GRIK4: variants seen among roughly 807,000 people sequenced by gnomAD.
The protein encoded by GRIK4 is glutamate receptor ionotropic, kainate 4.
Under a neutral mutation model 104.9 loss-of-function variants are expected in GRIK4, and 40 were observed. The ratio of observed to expected loss-of-function variants is 0.38; its 90% CI spans 0.30 to 0.50. GRIK4 has a LOEUF of 0.50. Ranked by LOEUF, GRIK4 falls within the 20% of genes least tolerant of loss-of-function variation. The probability of loss-of-function intolerance (pLI) is 0.93; values close to 1 mark genes in which losing one functional copy is unlikely to be tolerated. For missense variants in GRIK4, 1,047 were observed against 1,308.1 expected, an observed-to-expected ratio of 0.80 and a Z score of 3.08; for synonymous variants, 485 against 524.9, an observed-to-expected ratio of 0.92 and a Z score of 1.04.
At chr11:120,924,128 C>T (rs554885169) in intron 13 of GRIK4, among the ~76,000 whole-genome samples, 14 of 152,284 alleles carry the variant, frequency 9.2e-5, no homozygotes, top group South Asian at 4.1e-4. Context: ...TTGTGCCAGA[C>T]GAGGAATCTA....
rs561605773 is a variant in GRIK4 at position 120,583,284 on chromosome 11, T to C, written c.-158-70401T>C. Among the ~76,000 whole-genome samples, 17 of 152,360 alleles carry C rather than the reference T, an allele frequency of 1.1e-4. No individual in the cohort carries two copies. In the East Asian group the frequency reaches 3.3e-3, roughly 29 times the overall value. ...GGATACATAGTTTGCAAATATTTTC[T>C]TCCATTGTATAGGTTGTCTGTTTAC... On this transcript the variant is annotated intron_variant, in intron 1 of 20. Transcript: ENST00000527524.
chr11:120,932,525 A>G (rs1943504472), intron 13 of GRIK4, among the ~76,000 whole-genome samples: 1 of 152,176 alleles, frequency 6.6e-6, no homozygotes. Flanking sequence ...GTGTGTTTAC[A>G]GATAATGCCA....
At chr11:120,795,969 T>C (rs1952503791) in intron 3 of GRIK4, among the ~76,000 whole-genome samples, 1 of 152,182 alleles carries the variant, frequency 6.6e-6, no homozygotes, top group Non-Finnish European at 1.5e-5. Context: ...AAATAGTTGC[T>C]ATACTGTATT....
At chr11:120,682,207 G>A (rs1565292453) in intron 3 of GRIK4, among the ~76,000 whole-genome samples, 1 of 152,204 alleles carries the variant, frequency 6.6e-6, no homozygotes, top group Non-Finnish European at 1.5e-5. Context: ...GTGTCTCTCA[G>A]AGCACAGGCT....
intron 3 of GRIK4, among the ~76,000 whole-genome samples, chr11:120,685,329 T>G (rs967032466): frequency 6.4e-4 from 98 of 152,178 alleles, no homozygotes; most frequent in African/African-American, 2.2e-3. Flanking sequence ...AGTGTCTGCA[T>G]TTTCATCAAA....
chr11:120,711,122 C>G lies in GRIK4; in HGVS notation c.82+50722C>G, dbSNP rs1950728370. On this transcript the variant is annotated intron_variant, in intron 3 of 20. Coordinates refer to ENST00000527524, the MANE Select transcript of GRIK4 (RefSeq NM_014619.5). ...TCCAAGTCAGTGTCTCTGATGAATC[C>G]TGCACCACAGCTTGTTATGTCAGGA... is the stretch of plus-strand genomic sequence containing the variant. Among the ~76,000 whole-genome samples, 3 of 152,276 alleles carry G rather than the reference C, an allele frequency of 2.0e-5. No individual in the cohort carries two copies. The South Asian group carries it at 6.2e-4, about 32-fold the overall frequency.
At chr11:120,621,845 A>G (rs761234960) in intron 1 of GRIK4, among the ~76,000 whole-genome samples, 4 of 152,154 alleles carry the variant, frequency 2.6e-5, no homozygotes, top group East Asian at 1.9e-4. Flanking sequence ...TAACATGGGT[A>G]TGGGGTATAG....
chr11:120,979,560 TG>T (rs1268341214), intron 19 of GRIK4, among the ~76,000 whole-genome samples: 2 of 152,114 alleles, frequency 1.3e-5, no homozygotes, highest in Non-Finnish European at 2.9e-5. Flanking sequence ...AGCTCGGCCA[TG>T]GAAGGAGAGA....
At position 120,674,977 on chromosome 11, in the gene GRIK4, T is replaced by C. The variant is rs1192035123; in HGVS notation, c.82+14577T>C. 3.3e-5 allele frequency among the ~76,000 whole-genome samples: 5 copies of C among 152,240 alleles called. 1 individual carries two copies. ...TTTTCCTTGCACCTCCTGGAGCTGC[T>C]GGAGTTTCTGAAATTAAAAGGGCCT... is the stretch of plus-strand genomic sequence containing the variant. On this transcript the variant is annotated intron_variant, in intron 3 of 20. Coordinates refer to ENST00000527524, the MANE Select transcript of GRIK4 (RefSeq NM_014619.5).
chr11:120,967,207 G>C lies in GRIK4; in HGVS notation c.2279G>C (p.Arg760Pro), dbSNP rs199658262. 2 of 1,613,270 alleles carry C rather than the reference G, an allele frequency of 1.2e-6. No homozygotes were observed. Among genetic ancestry groups the C allele is most frequent in the East Asian group, 2.2e-5 (1 of 44,798 alleles). The stretch of plus-strand genomic sequence containing the variant: ...GTAACCCCCGCAGGCTCGGTTTTCC[G>C]GGACGAGTTTGATCTGGCCATTCTC... Reference protein sequence around the residue: ...GIGMPVGSVFRDEFDLAILQL... With the variant: ...GIGMPVGSVFPDEFDLAILQL... The change falls in exon 19 of 21, where the codon CGG becomes CCG. Residue 760 changes from arginine to proline, a missense_variant. Around this residue, in one of 3 missense-constraint regions of GRIK4, gnomAD observed 440 missense variants for 652.3 expected, o/e 0.67. Transcript: ENST00000527524. The surrounding 1 kb of genome is among the most constrained non-coding windows in gnomAD (Gnocchi z 4.2).
intron 3 of GRIK4, among the ~76,000 whole-genome samples, chr11:120,800,832 A>G (rs998769032): frequency 1.3e-5 from 2 of 152,252 alleles, no homozygotes; most frequent in African/African-American, 4.8e-5. Flanking sequence ...CCGCGCAGAC[A>G]TTCAAGGGCC....
In GRIK4 at chr11:120,544,646, A is replaced by G. The variant is rs184426962; in HGVS notation, c.-159+32759A>G. Among the ~76,000 whole-genome samples the G allele has an allele frequency of 2.6e-4, 39 of 152,264 alleles. 1 individual carries two copies. Among genetic ancestry groups the G allele is most frequent in the Admixed American group, 2.2e-3 (33 of 15,290 alleles). On this transcript the variant is annotated intron_variant, in intron 1 of 20. Transcript: ENST00000527524. Reference sequence around the variant, plus strand: ...TATTTGTTTTCAACCTGGACATTTCAGCACAGCTGTTATTAGGAAGTTGTG... The same window carrying G: ...TATTTGTTTTCAACCTGGACATTTCGGCACAGCTGTTATTAGGAAGTTGTG...
At chr11:120,688,121 A>G (rs1950302501) in intron 3 of GRIK4, among the ~76,000 whole-genome samples, 1 of 152,206 alleles carries the variant, frequency 6.6e-6, no homozygotes, top group African/African-American at 2.4e-5. Context: ...TCCTGGGCCT[A>G]GAAATGACAT....
At chr11:120,671,867 A>G (rs754792178) in intron 3 of GRIK4, among the ~76,000 whole-genome samples, 2 of 152,190 alleles carry the variant, frequency 1.3e-5, no homozygotes, top group African/African-American at 2.4e-5. Flanking sequence ...TCCCAACACC[A>G]TTTATTAAAT....
chr11:120,544,926 A>G (rs1414895239), intron 1 of GRIK4, among the ~76,000 whole-genome samples: 1 of 152,222 alleles, frequency 6.6e-6, no homozygotes, highest in Non-Finnish European at 1.5e-5. Flanking sequence ...CTTGTTGAGC[A>G]CAGCCCGGAC....
intron 3 of GRIK4, among the ~76,000 whole-genome samples, chr11:120,733,814 T>C (rs1363637191): frequency 2.6e-5 from 4 of 151,430 alleles, no homozygotes; most frequent in African/African-American, 9.7e-5. Flanking sequence ...CTTGGCTCAC[T>C]GCAACCTCCA....
chr11:120,889,519 A>G (rs1955214102), intron 11 of GRIK4, among the ~76,000 whole-genome samples: 1 of 143,356 alleles, frequency 7.0e-6, no homozygotes. Flanking sequence ...GTCATTGGTT[A>G]TGGTTCATCT....
At chr11:120,972,896 C>T (rs929824637) in intron 19 of GRIK4, among the ~76,000 whole-genome samples, 13 of 152,076 alleles carry the variant, frequency 8.5e-5, no homozygotes, top group Middle Eastern at 3.4e-3. Context: ...ACGTAAGAGG[C>T]GGCACGTAGG....
intron 1 of GRIK4, among the ~76,000 whole-genome samples, chr11:120,575,142 A>C (rs770113325): frequency 6.6e-6 from 1 of 152,084 alleles, no homozygotes; most frequent in Admixed American, 6.5e-5. Context: ...CCTGAGGTAG[A>C]CTGGTGGAGG....
Sources: allele counts gnomAD v4.1 joint callset (sites outside exome capture counted in the v4.1 genomes callset), GRCh38; gene constraint gnomAD v4.1.1; regional missense constraint gnomAD v4.1.1; non-coding constraint Gnocchi (gnomAD v3.1); transcripts MANE v1.5; gene names NCBI Gene and HGNC (gene_info 2026-07-23, HGNC 2026-07-21).